Variants in RUFY1 observed in about 807,000 individuals in gnomAD.
RUFY1 encodes RUN and FYVE domain containing 1, also known as RUN and FYVE domain-containing protein 1.
RUFY1 carries 54 observed loss-of-function variants against 94.6 expected under a neutral mutation model. The observed-to-expected ratio is 0.57, with a 90% CI of 0.46 to 0.72. The LOEUF (loss-of-function observed/expected upper bound fraction) is 0.72, where lower values mean the gene tolerates loss of function less well. RUFY1 is among the 30% of genes least tolerant of loss of function. The pLI, the probability that RUFY1 is intolerant of heterozygous loss-of-function variation, is 0.00. For synonymous variants in RUFY1, 396 were observed against 347.3 expected (o/e 1.14, Z -1.56); for missense variants, 883 against 883.9 (o/e 1.00, Z 0.01).
chr5:179,592,090 A>AC (rs1765164929), intron 10 of RUFY1, among the ~76,000 whole-genome samples: 2 of 150,410 alleles, frequency 1.3e-5, no homozygotes, highest in African/African-American at 4.9e-5. Context: ...GATTGCAGGC[A>AC]CCCGCCACCA....
At chr5:179,556,891 G>A (rs887033338) in intron 1 of RUFY1, among the ~76,000 whole-genome samples, 8 of 152,168 alleles carry the variant, frequency 5.3e-5, no homozygotes, top group African/African-American at 7.2e-5. Flanking sequence ...CTGCTAAAGC[G>A]TGATAGAATT....
intron 10 of RUFY1, 103 bp from the exon 11 acceptor site, chr5:179,593,374 CA>C: frequency 7.3e-7 from 1 of 1,365,166 alleles, no homozygotes; most frequent in Non-Finnish European, 1.0e-6. Flanking sequence ...CCACCACACC[CA>C]GCCTTCAGTT....
chr5:179,566,924 C>T (rs1258318894), intron 3 of RUFY1, among the ~76,000 whole-genome samples: 1 of 151,482 alleles, frequency 6.6e-6, no homozygotes. Context: ...TGTGGTGATG[C>T]ATGCCTGTAA....
rs756151614 is a variant in RUFY1, at chr5:179,598,736, A to G, written c.1676A>G (p.Gln559Arg). The change falls in exon 14 of 18, where the codon CAG (glutamine) becomes CGG (arginine). Residue 559 changes from glutamine to arginine, a missense_variant. By Grantham distance (43) the Gln-to-Arg change is conservative. Transcript: ENST00000319449. Reference protein sequence around the residue: ...KELKSEKEQRQALQRELQHEK... With the variant: ...KELKSEKEQRRALQRELQHEK... The stretch of plus-strand genomic sequence containing the variant: ...TTGAAATCAGAAAAAGAGCAAAGAC[A>G]GGCTCTTCAGCGCGAATTACAGCAC... 1.9e-6 allele frequency: 3 copies of G among 1,614,142 alleles called. No individual in the cohort carries two copies. The highest frequency in any genetic ancestry group is 1.1e-5 in the South Asian group (1 of 91,086).
At chr5:179,570,031 A>G (rs1581452117) in intron 5 of RUFY1, among the ~76,000 whole-genome samples, 1 of 148,482 alleles carries the variant, frequency 6.7e-6, no homozygotes. Flanking sequence ...GGCGTGAGCC[A>G]CTGCGCCCGG....
chr5:179,609,635 C>T lies in RUFY1; in HGVS notation c.*116C>T, dbSNP rs1767522775. On this transcript the variant is annotated 3_prime_UTR_variant, in exon 18 of 18. Coordinates refer to ENST00000319449, the MANE Select transcript of RUFY1 (RefSeq NM_025158.5). ...CAAAGGAAAGAATCAAATTTCTTGC[C>T]CGGTCACTGGCACTCCAGAAGACAG... is the stretch of plus-strand genomic sequence containing the variant. 2 of 1,118,420 alleles carry T rather than the reference C, an allele frequency of 1.8e-6. No homozygotes were observed. The highest frequency in any genetic ancestry group is 1.6e-5 in the African/African-American group (1 of 63,126). 69.3% of individuals were successfully genotyped at this position (1,118,420 alleles called of 1,614,324 possible).
chr5:179,569,566 A>C (rs1763069342), intron 5 of RUFY1, 141 bp downstream of exon 5: 3 of 800,506 alleles, frequency 3.7e-6, no homozygotes, highest in Non-Finnish European at 6.3e-6. Flanking sequence ...GCAGCTGGGG[A>C]AGGTCTCGGA....
intron 12 of RUFY1, among the ~76,000 whole-genome samples, chr5:179,595,334 TG>T (rs1765519178): frequency 6.6e-6 from 1 of 151,916 alleles, no homozygotes; most frequent in Non-Finnish European, 1.5e-5. Flanking sequence ...AAAAAATTAG[TG>T]GGCAACAAGA....
At chr5:179,577,321 C>A (rs1372106212) in intron 6 of RUFY1, among the ~76,000 whole-genome samples, 185 bp downstream of exon 6, 2 of 150,866 alleles carry the variant, frequency 1.3e-5, no homozygotes, top group Non-Finnish European at 3.0e-5. Context: ...ACAGGTGCGC[C>A]CCACCATGCC....
At chr5:179,601,853 A>T in intron 14 of RUFY1, 39 bp from the exon 15 acceptor site, 1 of 1,248,758 alleles carries the variant, frequency 8.0e-7, no homozygotes, top group Non-Finnish European at 1.2e-6. Context: ...AGGACCGTGT[A>T]ATCCTCTGTC....
intron 1 of RUFY1, among the ~76,000 whole-genome samples, chr5:179,559,138 A>C (rs1390165578): frequency 1.3e-5 from 2 of 152,206 alleles, no homozygotes; most frequent in African/African-American, 4.8e-5. Context: ...CGCGCTTCGC[A>C]CCTGGGACTT....
At position 179,589,656 on chromosome 5, in the gene RUFY1, T is replaced by C. The variant is rs1390915726; in HGVS notation, c.1128+9T>C. On this transcript the variant is annotated intron_variant, in intron 9 of 17. Transcript: ENST00000319449. ...GTGAAAAGAGTGTAGAGGTGAGAAA[T>C]TGACCTACATTTGGGCAGCATGTTT... The C allele has an allele frequency of 5.7e-6, 9 of 1,578,838 alleles. No homozygotes were observed. Among genetic ancestry groups the C allele is most frequent in the Non-Finnish European group, 7.8e-6 (9 of 1,147,942 alleles).
chr5:179,580,609 GAA>G (rs1764082851), intron 6 of RUFY1, among the ~76,000 whole-genome samples: 1 of 150,872 alleles, frequency 6.6e-6, no homozygotes, highest in Non-Finnish European at 1.5e-5. Context: ...TTCGTGTTTT[GAA>G]AAGTCCCGTG....
At chr5:179,578,765 TTCC>T (rs1305143174) in intron 6 of RUFY1, among the ~76,000 whole-genome samples, 1 of 151,832 alleles carries the variant, frequency 6.6e-6, no homozygotes, top group Non-Finnish European at 1.5e-5. Context: ...TGCCTCAACC[TTCC>T]TGAGTAGCTG....
At chr5:179,563,702 C>G (rs1235172697) in intron 3 of RUFY1, among the ~76,000 whole-genome samples, 1 of 151,744 alleles carries the variant, frequency 6.6e-6, no homozygotes. Flanking sequence ...GAGAAGGAGT[C>G]TCACTCTTGC....
chr5:179,607,985 G>C (rs551210817), intron 17 of RUFY1, among the ~76,000 whole-genome samples: 15 of 152,304 alleles, frequency 9.8e-5, no homozygotes, highest in Admixed American at 2.0e-4. Flanking sequence ...TCTGTATGCG[G>C]CAGGAACAAA....
At chr5:179,592,827 T>G (rs1187406770) in intron 10 of RUFY1, among the ~76,000 whole-genome samples, 1 of 152,224 alleles carries the variant, frequency 6.6e-6, no homozygotes, top group Non-Finnish European at 1.5e-5. Flanking sequence ...ATTCTAACAT[T>G]GCACTATCAG....
rs558249419 is a variant in RUFY1, at chr5:179,583,981, G to T, written c.957-1815G>T. Among the ~76,000 whole-genome samples, 24 of 144,048 alleles carry T rather than the reference G, an allele frequency of 1.7e-4. No homozygotes were observed. The South Asian group carries it at 5.4e-3, about 32-fold the overall frequency. 94.5% of individuals were successfully genotyped at this position (144,048 alleles called of 152,430 possible). On this transcript the variant is annotated intron_variant, in intron 7 of 17. Coordinates refer to ENST00000319449, the MANE Select transcript of RUFY1 (RefSeq NM_025158.5). ...GCCAGGATGGTCTCGATCTCCTGAC[G>T]TTGTGATCCGCCCGCCTCGGCCTCC...
intron 5 of RUFY1, among the ~76,000 whole-genome samples, chr5:179,569,768 G>C (rs1487151255): frequency 6.6e-6 from 1 of 152,038 alleles, no homozygotes; most frequent in Non-Finnish European, 1.5e-5. Flanking sequence ...TTTTTGAGAC[G>C]GAGTCTCGTT....
Sources: gnomAD v4.1 joint callset for allele counts (sites outside exome capture counted in the v4.1 genomes callset) on GRCh38, gnomAD v4.1.1 for gene constraint, MANE v1.5 for transcripts, NCBI Gene and HGNC (gene_info 2026-07-23, HGNC 2026-07-21) for gene names.